EYS: variants seen among roughly 807,000 people sequenced by gnomAD.
The protein encoded by EYS is protein eyes shut homolog.
A neutral mutation model predicts 282.1 loss-of-function variants in EYS; 250 were observed. That is an observed-to-expected ratio of 0.89 (90% confidence interval 0.80 to 0.98). EYS has a LOEUF of 0.98. EYS is among the 50% of genes least tolerant of loss of function. EYS has a pLI of 0.00. For synonymous variants in EYS, 1,355 were observed against 1,282.9 expected (o/e 1.06, Z -1.20); for missense variants, 4,016 against 3,709.0 (o/e 1.08, Z -2.15).
chr6:64,822,306 G>A (rs936046439), intron 20 of EYS, among the ~76,000 whole-genome samples: 1 of 151,998 alleles, frequency 6.6e-6, no homozygotes, highest in African/African-American at 2.4e-5. Flanking sequence ...TAAATACTGT[G>A]TGGTATTATC....
At chr6:65,095,703 G>T (rs1162906989) in intron 12 of EYS, among the ~76,000 whole-genome samples, 1 of 150,656 alleles carries the variant, frequency 6.6e-6, no homozygotes, top group Non-Finnish European at 1.5e-5. Context: ...AACATCACAT[G>T]ATCATTTCAT....
chr6:63,931,374 C>T (rs73439125), intron 35 of EYS, among the ~76,000 whole-genome samples: 8,392 of 152,226 alleles, frequency 0.055, 514 homozygotes, highest in African/African-American at 0.15. Flanking sequence ...AAGGTCCTTC[C>T]CTTTGTTTCT....
In EYS at chr6:63,863,658, CTTTTCTTTTCTTTTTTCT is replaced by C. The variant is rs1162842309; in HGVS notation, c.7228+510_7228+527del. On this transcript the variant is annotated intron_variant, in intron 36 of 42. Transcript: ENST00000503581. ...ACCACTTTTTCTTTTCTTTTCTTTT[CTTTTCTTTTCTTTTTTCT>C]TTTTTTTTTTTTTTTTTGAGATGGA... is the stretch of plus-strand genomic sequence containing the variant. Among the ~76,000 whole-genome samples the C allele has an allele frequency of 2.8e-4, 22 of 78,960 alleles. 1 individual carries two copies. In the East Asian group the frequency reaches 7.0e-3, roughly 25 times the overall value. The allele number at this position is 78,960 out of a possible 152,430, so 51.8% of individuals were successfully genotyped here. A position where few individuals can be genotyped will look rare whatever the true frequency, so the allele number is the denominator to read the frequency against.
At chr6:64,794,683 A>G (rs1179779877) in intron 22 of EYS, among the ~76,000 whole-genome samples, 1 of 152,226 alleles carries the variant, frequency 6.6e-6, no homozygotes, top group African/African-American at 2.4e-5. Flanking sequence ...GAATTTAAAA[A>G]TGTGGCATAT....
At chr6:63,781,421 T>G (rs891235767) in intron 39 of EYS, among the ~76,000 whole-genome samples, 3 of 152,180 alleles carry the variant, frequency 2.0e-5, no homozygotes, top group Non-Finnish European at 1.5e-5. Context: ...CTCTTTTATT[T>G]CATTGAGCAG....
At chr6:64,342,769 TAA>T (rs767077042) in intron 29 of EYS, among the ~76,000 whole-genome samples, 1 of 151,504 alleles carries the variant, frequency 6.6e-6, no homozygotes, top group Non-Finnish European at 1.5e-5. Context: ...GCAAATTGGA[TAA>T]AGAGTCAAAA....
intron 35 of EYS, among the ~76,000 whole-genome samples, chr6:63,970,409 C>T (rs555275410): frequency 6.6e-6 from 1 of 152,078 alleles, no homozygotes; most frequent in Admixed American, 6.5e-5. Context: ...GCCGAGGTGG[C>T]CAGATCACTA....
At chr6:65,401,874 T>G (rs1468850249) in intron 7 of EYS, among the ~76,000 whole-genome samples, 4 of 151,900 alleles carry the variant, frequency 2.6e-5, no homozygotes, top group Non-Finnish European at 5.9e-5. Context: ...GTCAGGCAAG[T>G]GTGAAGAGTA....
At chr6:63,792,125 A>G (rs1328441779) in intron 37 of EYS, among the ~76,000 whole-genome samples, 2 of 151,798 alleles carry the variant, frequency 1.3e-5, no homozygotes, top group African/African-American at 4.8e-5. Flanking sequence ...TCTGGGGGAA[A>G]AGGCTGAGTT....
chr6:65,449,761 T>C (rs1373104620), intron 5 of EYS, among the ~76,000 whole-genome samples: 1 of 152,078 alleles, frequency 6.6e-6, no homozygotes, highest in Admixed American at 6.6e-5. Flanking sequence ...TTGTTTCCTT[T>C]TTTTCCTCTC....
chr6:64,947,780 C>T (rs1769339611), intron 14 of EYS, among the ~76,000 whole-genome samples: 1 of 151,136 alleles, frequency 6.6e-6, no homozygotes, highest in Admixed American at 6.6e-5. Flanking sequence ...ACAACATCAG[C>T]TGTGGTGAAT....
chr6:64,779,900 C>T (rs1773806460), intron 22 of EYS, among the ~76,000 whole-genome samples: 1 of 152,156 alleles, frequency 6.6e-6, no homozygotes, highest in African/African-American at 2.4e-5. Flanking sequence ...TAGTGCTCTC[C>T]TGCCTGGGGA....
chr6:64,179,362 A>T (rs1764726471), intron 31 of EYS, among the ~76,000 whole-genome samples: 1 of 152,092 alleles, frequency 6.6e-6, no homozygotes, highest in Admixed American at 6.6e-5. Context: ...TTTAAAAAAG[A>T]CCTAAAATGC....
At chr6:64,998,523 A>G (rs757836210) in intron 13 of EYS, among the ~76,000 whole-genome samples, 2 of 152,206 alleles carry the variant, frequency 1.3e-5, no homozygotes, top group South Asian at 4.1e-4. Context: ...TTTTGCAGCC[A>G]TGTTTTGTAC....
chr6:65,492,332 G>GAAACAAACAAAC (rs3049751), intron 4 of EYS, among the ~76,000 whole-genome samples: 3 of 149,808 alleles, frequency 2.0e-5, no homozygotes, highest in African/African-American at 7.4e-5. Flanking sequence ...AAGAAAGAAA[G>GAAACAAACAAAC]AAACAAACAA....
At chr6:64,029,349 G>A (rs1007551647) in intron 33 of EYS, among the ~76,000 whole-genome samples, 2 of 152,196 alleles carry the variant, frequency 1.3e-5, no homozygotes, top group Non-Finnish European at 1.5e-5. Flanking sequence ...TGCAGCAGTG[G>A]CCATCTTAGT....
chr6:63,762,506 T>A lies in EYS; in HGVS notation c.8026A>T (p.Thr2676Ser). The A allele has an allele frequency of 2.6e-6, 4 of 1,550,308 alleles. No homozygotes were observed. The highest frequency in any genetic ancestry group is 3.5e-6 in the Non-Finnish European group (4 of 1,146,032). ...GTGGTTCCTAGAGGACAGAAACAGGTGTATCCATGAGGTAATGAAATGCAG... is the reference window on the plus strand; with the variant it reads ...GTGGTTCCTAGAGGACAGAAACAGGAGTATCCATGAGGTAATGAAATGCAG... ...ATCISLPHGY[T>S]CFCPLGTTGI... Residue 2676 changes from threonine (T) to serine (S), a missense_variant, in exon 41 of 43, where the codon ACC becomes TCC. Physicochemically the swap from Thr to Ser is moderately conservative, Grantham distance 58. Transcript: ENST00000503581.
chr6:63,763,717 T>C (rs1373863292), intron 40 of EYS, among the ~76,000 whole-genome samples: 1 of 151,846 alleles, frequency 6.6e-6, no homozygotes, highest in Non-Finnish European at 1.5e-5. Context: ...TCCCCAGCCA[T>C]GCTGAACTGT....
intron 13 of EYS, among the ~76,000 whole-genome samples, chr6:65,033,939 G>A (rs1772686572): frequency 6.6e-6 from 1 of 152,192 alleles, no homozygotes; most frequent in Admixed American, 6.5e-5. Context: ...CAGCCCTGGT[G>A]CTGAATACTG....
Sources: allele counts gnomAD v4.1 joint callset (sites outside exome capture counted in the v4.1 genomes callset), GRCh38; gene constraint gnomAD v4.1.1; transcripts MANE v1.5; gene names NCBI Gene and HGNC (gene_info 2026-07-23, HGNC 2026-07-21).